PRELID2: variants seen among roughly 807,000 people sequenced by gnomAD.
The protein encoded by PRELID2 is PRELI domain-containing protein 2.
PRELID2 carries 25 observed loss-of-function variants against 28.4 expected under a neutral mutation model. The observed-to-expected ratio is 0.88, with a 90% CI of 0.64 to 1.23. The LOEUF (loss-of-function observed/expected upper bound fraction) is 1.23, where lower values mean the gene tolerates loss of function less well. Among genes scored for constraint, PRELID2 ranks in the 50% most tolerant of loss-of-function variants. The pLI is 0.00. For missense variants in PRELID2, 201 were observed against 214.4 expected, an observed-to-expected ratio of 0.94 and a Z score of 0.39; for synonymous variants, 76 against 71.6, an observed-to-expected ratio of 1.06 and a Z score of -0.31.
chr5:145,320,673 T>C, the PRELID2 span, among the ~76,000 whole-genome samples: 2 of 152,196 alleles, frequency 1.3e-5, no homozygotes, highest in African/African-American at 2.4e-5. Flanking sequence ...GGGAACAATA[T>C]GCCTTTTTTC....
intron 1 of PRELID2, among the ~76,000 whole-genome samples, chr5:145,730,516 T>C (rs1400885493): frequency 6.6e-6 from 1 of 152,216 alleles, no homozygotes; most frequent in East Asian, 1.9e-4. Flanking sequence ...GAATCACCCA[T>C]GCTAATGAGG....
At chr5:145,539,625 A>G (rs1026830546) in intron 1 of PRELID2, among the ~76,000 whole-genome samples, 1 of 151,994 alleles carries the variant, frequency 6.6e-6, no homozygotes, top group Non-Finnish European at 1.5e-5. Context: ...GCACAAATAC[A>G]TTATAAAAAT....
chr5:145,784,692 A>G (rs35367442), intron 5 of PRELID2, among the ~76,000 whole-genome samples: 10 of 152,152 alleles, frequency 6.6e-5, no homozygotes, highest in Non-Finnish European at 1.2e-4. Context: ...CAGGCATCAA[A>G]AATCATGTTT....
the PRELID2 span, among the ~76,000 whole-genome samples, chr5:145,295,953 T>C: frequency 2.0e-5 from 3 of 152,168 alleles, no homozygotes; most frequent in African/African-American, 4.8e-5. Context: ...TTTTCCTTTA[T>C]ACTTGGAAAA....
At chr5:145,436,381 G>T in the PRELID2 span, among the ~76,000 whole-genome samples, 2 of 152,026 alleles carry the variant, frequency 1.3e-5, no homozygotes, top group Non-Finnish European at 2.9e-5. Context: ...TGTGAATGGC[G>T]CTGTGATGAA....
the PRELID2 span, among the ~76,000 whole-genome samples, chr5:145,375,939 T>C: frequency 6.6e-6 from 1 of 152,342 alleles, no homozygotes; most frequent in South Asian, 2.1e-4. Flanking sequence ...CTATGTTGAA[T>C]AGAAGTGGTG....
the PRELID2 span, among the ~76,000 whole-genome samples, chr5:145,331,521 G>T: frequency 2.0e-5 from 3 of 152,166 alleles, no homozygotes; most frequent in Non-Finnish European, 2.9e-5. Flanking sequence ...TCATGACTAT[G>T]TAACGCCCTT....
the PRELID2 span, among the ~76,000 whole-genome samples, chr5:145,367,990 G>C: frequency 6.6e-6 from 1 of 151,868 alleles, no homozygotes; most frequent in Non-Finnish European, 1.5e-5. Context: ...AATTATGTTT[G>C]GTTTTGTAAG....
chr5:145,768,344 G>A (rs769753180), intron 5 of PRELID2, among the ~76,000 whole-genome samples: 21 of 151,552 alleles, frequency 1.4e-4, no homozygotes, highest in Admixed American at 5.9e-4. Context: ...GCCCCTTTTC[G>A]TTCTTATTCC....
the PRELID2 span, among the ~76,000 whole-genome samples, chr5:145,359,266 T>C: frequency 1.3e-5 from 2 of 152,156 alleles, no homozygotes; most frequent in Non-Finnish European, 2.9e-5. Flanking sequence ...GATAGTATAT[T>C]GTCAGAAACA....
intron 1 of PRELID2, among the ~76,000 whole-genome samples, chr5:145,524,925 G>A (rs528353783): frequency 4.3e-4 from 65 of 152,060 alleles, no homozygotes; most frequent in Admixed American, 2.9e-3. Context: ...CCCCTACCAC[G>A]GCCTCTGTTA....
At chr5:145,732,655 A>G (rs1157119219) in intron 1 of PRELID2, among the ~76,000 whole-genome samples, 2 of 152,240 alleles carry the variant, frequency 1.3e-5, no homozygotes, top group Non-Finnish European at 2.9e-5. Context: ...CCTGAGGCCT[A>G]TAGATCCTCT....
chr5:145,829,159 G>A (rs1259751315), intron 1 of PRELID2, among the ~76,000 whole-genome samples: 1 of 151,928 alleles, frequency 6.6e-6, no homozygotes, highest in Non-Finnish European at 1.5e-5. Flanking sequence ...ACTAGGCCTT[G>A]CAAAGTGCTT....
chr5:145,788,747 T>TTATA (rs147521518), intron 5 of PRELID2, among the ~76,000 whole-genome samples: 2 of 151,616 alleles, frequency 1.3e-5, no homozygotes, highest in East Asian at 1.9e-4. Context: ...CAACATGATC[T>TTATA]TATATATATA....
chr5:145,364,842 A>C, the PRELID2 span, among the ~76,000 whole-genome samples: 1 of 152,028 alleles, frequency 6.6e-6, no homozygotes, highest in African/African-American at 2.4e-5. Flanking sequence ...AACTCGCTGC[A>C]GCCCACTCAA....
intron 1 of PRELID2, chr5:145,728,431 C>G: frequency 1.1e-5 from 6 of 564,482 alleles, no homozygotes; most frequent in Non-Finnish European, 1.3e-5. Context: ...CAGCAAGAGA[C>G]AAAACAGGGA....
At chr5:145,572,765 C>T (rs10058298) in intron 1 of PRELID2, among the ~76,000 whole-genome samples, 16,670 of 152,024 alleles carry the variant, frequency 0.11, 2,488 homozygotes, top group African/African-American at 0.34. Context: ...TAGTGCTGGG[C>T]GGAAAGTAGA....
rs112247590 is a variant in PRELID2, at chr5:145,749,588, A to C, written n.70+15343T>G. The stretch of plus-strand genomic sequence containing the variant: ...CCAAAGATCTAGAATCAGAAATACC[A>C]CTTGACCCAGCAATCCCATTACTGG... On this transcript the variant is annotated intron_variant and non_coding_transcript_variant, in intron 1 of 2. Transcript: ENST00000510259. Among the ~76,000 whole-genome samples the C allele has an allele frequency of 8.8e-3, 1,337 of 152,284 alleles. 19 individuals are homozygous for C. Among genetic ancestry groups the C allele is most frequent in the African/African-American group, 0.031 (1,287 of 41,534 alleles).
At chr5:145,333,248 C>G in the PRELID2 span, among the ~76,000 whole-genome samples, 1 of 152,182 alleles carries the variant, frequency 6.6e-6, no homozygotes, top group African/African-American at 2.4e-5. Flanking sequence ...GCATGGAGGT[C>G]AGGGACCCAC....
Sources: allele counts gnomAD v4.1 joint callset (sites outside exome capture counted in the v4.1 genomes callset), GRCh38; gene constraint gnomAD v4.1.1; transcripts MANE v1.5; gene names NCBI Gene and HGNC (gene_info 2026-07-23, HGNC 2026-07-21).